Variants in DPP6 observed in about 807,000 individuals in gnomAD.
DPP6 encodes A-type potassium channel modulatory protein DPP6.
Under a neutral mutation model 122.6 loss-of-function variants are expected in DPP6, and 69 were observed. The observed-to-expected ratio is 0.56, with a 90% CI of 0.46 to 0.69. DPP6 has a LOEUF of 0.69. Among genes scored for constraint, DPP6 ranks in the 30% least tolerant of loss-of-function variants. The pLI, the probability that DPP6 is intolerant of heterozygous loss-of-function variation, is 0.00. For synonymous variants in DPP6, 418 were observed against 433.1 expected (o/e 0.97, Z 0.43); for missense variants, 928 against 1,116.9 (o/e 0.83, Z 2.41).
At chr7:154,079,465 C>T (rs558792384) in intron 1 of DPP6, among the ~76,000 whole-genome samples, 1 of 152,302 alleles carries the variant, frequency 6.6e-6, no homozygotes, top group African/African-American at 2.4e-5. Context: ...AAGAGACTCA[C>T]CCCGAAAACC....
At chr7:154,154,681 GATCT>G (rs1796592027) in intron 1 of DPP6, among the ~76,000 whole-genome samples, 1 of 152,186 alleles carries the variant, frequency 6.6e-6, no homozygotes, top group African/African-American at 2.4e-5. Flanking sequence ...AAGGTGATGT[GATCT>G]ATGTGATTTC....
At chr7:154,156,369 A>G (rs1317689502) in intron 1 of DPP6, among the ~76,000 whole-genome samples, 2 of 152,228 alleles carry the variant, frequency 1.3e-5, no homozygotes, top group Non-Finnish European at 2.9e-5. Flanking sequence ...CCAGAGTACT[A>G]TAGGGGCAGC....
intron 2 of DPP6, among the ~76,000 whole-genome samples, chr7:154,469,577 C>T (rs1822084722): frequency 6.6e-6 from 1 of 152,130 alleles, no homozygotes; most frequent in African/African-American, 2.4e-5. Flanking sequence ...CCCCAAGGTT[C>T]ATATGGTGAT....
At chr7:153,937,674 C>T (rs1801519696) in intron 1 of DPP6, among the ~76,000 whole-genome samples, 1 of 152,158 alleles carries the variant, frequency 6.6e-6, no homozygotes, top group Non-Finnish European at 1.5e-5. Flanking sequence ...TCTCAAGCTC[C>T]TGACCTCAAG....
At chr7:154,786,008 GGA>G (rs1797312170) in intron 10 of DPP6, among the ~76,000 whole-genome samples, 1 of 151,920 alleles carries the variant, frequency 6.6e-6, no homozygotes, top group Admixed American at 6.6e-5. Context: ...GGTATTGTCT[GGA>G]CTACTTTTTC....
intron 5 of DPP6, among the ~76,000 whole-genome samples, chr7:154,627,000 CTTTTTTTTTTTTTTTTTT>C (rs552919287): frequency 1.9e-5 from 1 of 52,092 alleles, no homozygotes; most frequent in Non-Finnish European, 3.4e-5. Context: ...GAAATTTTTT[CTTTTTTTTTTTTTTTTTT>C]TTTTTTTTTT....
At chr7:154,747,530 C>A (rs1843090302) in intron 8 of DPP6, among the ~76,000 whole-genome samples, 1 of 152,156 alleles carries the variant, frequency 6.6e-6, no homozygotes, top group Non-Finnish European at 1.5e-5. Flanking sequence ...GCAGCATCGA[C>A]CTTGTGGGGT....
intron 21 of DPP6, chr7:154,884,804 CAT>C (rs1452683543): frequency 6.6e-6 from 1 of 152,286 alleles, no homozygotes; most frequent in Non-Finnish European, 1.5e-5. Flanking sequence ...CACACTCTCA[CAT>C]GTATAGGCAC....
chr7:154,047,069 G>A (rs1362685932), intron 1 of DPP6, among the ~76,000 whole-genome samples: 1 of 147,950 alleles, frequency 6.8e-6, no homozygotes, highest in East Asian at 2.0e-4. Context: ...TTTTGCTGTT[G>A]CTTTGAAGTC....
rs143628925 is a variant in DPP6, at chr7:154,789,214, A to G, written c.1137-4865A>G. Among the ~76,000 whole-genome samples, 620 of 152,328 alleles carry G rather than the reference A, an allele frequency of 4.1e-3. 6 individuals carry two copies. Among genetic ancestry groups the G allele is most frequent in the African/African-American group, 0.014 (578 of 41,562 alleles). On this transcript the variant is annotated intron_variant, in intron 10 of 25. Transcript: ENST00000377770. ...ACAGTCTAACCCATGTGCATCTGGC[A>G]TGGATCGTCTGGGCTGAGTTGACAT...
intron 2 of DPP6, among the ~76,000 whole-genome samples, chr7:154,454,136 C>G (rs1263129920): frequency 6.6e-6 from 1 of 152,180 alleles, no homozygotes; most frequent in Non-Finnish European, 1.5e-5. Flanking sequence ...TGACCATGGC[C>G]CAACCCATTT....
chr7:153,837,837 ATTTTT>A, the DPP6 span, among the ~76,000 whole-genome samples: 5 of 80,630 alleles, frequency 6.2e-5, no homozygotes, highest in Non-Finnish European at 9.1e-5. Flanking sequence ...TGCCTGGTTA[ATTTTT>A]TTTTTTTTTT....
the DPP6 span, among the ~76,000 whole-genome samples, chr7:153,873,593 A>G: frequency 6.6e-6 from 1 of 152,232 alleles, no homozygotes; most frequent in East Asian, 1.9e-4. Context: ...GAGCTTTTAA[A>G]AGATGGTTTA....
chr7:154,658,922 A>G (rs1586827649), intron 6 of DPP6, among the ~76,000 whole-genome samples: 1 of 152,344 alleles, frequency 6.6e-6, no homozygotes, highest in Non-Finnish European at 1.5e-5. Context: ...TAGATTCGGC[A>G]TAAAACCAAG....
chr7:153,947,970 C>A (rs895806688), intron 1 of DPP6, among the ~76,000 whole-genome samples: 4 of 152,170 alleles, frequency 2.6e-5, no homozygotes, highest in African/African-American at 9.7e-5. Flanking sequence ...ATCACACCAG[C>A]CTCTGTGCCA....
chr7:154,077,672 TA>T (rs1264241039), intron 1 of DPP6, among the ~76,000 whole-genome samples: 309 of 140,444 alleles, frequency 2.2e-3, no homozygotes, highest in African/African-American at 7.6e-3. Context: ...TTATTATTAT[TA>T]TTATTTTTTT....
chr7:154,640,897 C>G (rs1294813773), intron 6 of DPP6, among the ~76,000 whole-genome samples: 1 of 152,148 alleles, frequency 6.6e-6, no homozygotes. Flanking sequence ...TCGCTCCTCC[C>G]TCTAAATTAA....
At chr7:154,843,882 C>T (rs1262742492) in intron 16 of DPP6, among the ~76,000 whole-genome samples, 3 of 152,318 alleles carry the variant, frequency 2.0e-5, no homozygotes, top group East Asian at 1.9e-4. Context: ...GGCATCAAAG[C>T]GTATTTTCAT....
chr7:154,346,457 C>T (rs1351802557), intron 1 of DPP6, among the ~76,000 whole-genome samples: 1 of 152,172 alleles, frequency 6.6e-6, no homozygotes, highest in Non-Finnish European at 1.5e-5. Context: ...CAGGCACTCA[C>T]CACCATGCCC....
Sources: gnomAD v4.1 joint callset for allele counts (sites outside exome capture counted in the v4.1 genomes callset) on GRCh38, gnomAD v4.1.1 for gene constraint, MANE v1.5 for transcripts, NCBI Gene and HGNC (gene_info 2026-07-23, HGNC 2026-07-21) for gene names.